The following MEP1A variants were observed in gnomAD, a reference collection of about 807,000 sequenced individuals.
The protein encoded by MEP1A is N-benzoyl-L-tyrosyl-P-amino-benzoic acid hydrolase subunit alpha.
Under a neutral mutation model 84.5 loss-of-function variants are expected in MEP1A, and 68 were observed. That is an observed-to-expected ratio of 0.80 (90% CI 0.66 to 0.98). The LOEUF (loss-of-function observed/expected upper bound fraction) is 0.98, where lower values mean the gene tolerates loss of function less well. MEP1A is among the 50% of genes least tolerant of loss of function. The probability of loss-of-function intolerance (pLI) is 0.00; values close to 1 mark genes in which losing one functional copy is unlikely to be tolerated. For synonymous variants in MEP1A, 337 were observed against 336.8 expected, an observed-to-expected ratio of 1.00 and a Z score of -0.01; for missense variants, 887 against 919.9, an observed-to-expected ratio of 0.96 and a Z score of 0.46.
chr6:46,814,239 A>C (rs568443341), intron 6 of MEP1A, among the ~76,000 whole-genome samples: 264 of 152,190 alleles, frequency 1.7e-3, no homozygotes, highest in African/African-American at 5.9e-3. Context: ...AGCTTTGTTC[A>C]TTTAAAAAAT....
At chr6:46,836,591 T>C (rs182633222) in intron 13 of MEP1A, among the ~76,000 whole-genome samples, 1 of 152,342 alleles carries the variant, frequency 6.6e-6, no homozygotes, top group East Asian at 1.9e-4. Context: ...GGTACAATGC[T>C]AGTAAATAAA....
downstream of MEP1A, among the ~76,000 whole-genome samples, chr6:46,840,771 GA>G (rs1192754419): frequency 6.6e-6 from 1 of 152,148 alleles, no homozygotes; most frequent in East Asian, 1.9e-4. Flanking sequence ...TAATATGTAT[GA>G]AAATATTACT....
chr6:46,813,617 T>C (rs1026971422), intron 6 of MEP1A, among the ~76,000 whole-genome samples: 7 of 152,154 alleles, frequency 4.6e-5, no homozygotes, highest in African/African-American at 1.7e-4. Context: ...ATCTTGGTTT[T>C]TTTTCACTGT....
chr6:46,797,976 C>A (rs1379056993), intron 3 of MEP1A, among the ~76,000 whole-genome samples: 1 of 138,032 alleles, frequency 7.2e-6, no homozygotes, highest in African/African-American at 2.7e-5. Context: ...CTTCCTCTTT[C>A]TTTTTTTGTG....
chr6:46,833,730 TC>T (rs1222012152), intron 11 of MEP1A, among the ~76,000 whole-genome samples, 192 bp downstream of exon 11: 3 of 152,124 alleles, frequency 2.0e-5, no homozygotes, highest in Non-Finnish European at 2.9e-5. Flanking sequence ...CTAAATTCAC[TC>T]ATCAAACATC....
intron 8 of MEP1A, 55 bp downstream of exon 8, chr6:46,825,548 C>A: frequency 8.2e-7 from 1 of 1,214,674 alleles, no homozygotes; most frequent in African/African-American, 1.5e-5. Context: ...GAGATTCCAT[C>A]AGCCTTAGAG....
At chr6:46,835,674 G>T (rs1007836646) in intron 13 of MEP1A, 125 bp downstream of exon 13, 1 of 1,047,890 alleles carries the variant, frequency 9.5e-7, no homozygotes, top group Admixed American at 2.4e-5. Context: ...ACTGAATGCG[G>T]TTTTCTTTGA....
chr6:46,820,533 T>C (rs1157859682), intron 7 of MEP1A, among the ~76,000 whole-genome samples: 1 of 152,056 alleles, frequency 6.6e-6, no homozygotes, highest in African/African-American at 2.4e-5. Context: ...ATTATAGGTG[T>C]GTGTCACCAT....
At chr6:46,797,452 A>G (rs1009799732) in intron 3 of MEP1A, among the ~76,000 whole-genome samples, 2 of 152,206 alleles carry the variant, frequency 1.3e-5, no homozygotes, top group African/African-American at 4.8e-5. Context: ...GCAGTAGGAG[A>G]GTATATTCTG....
Position 46,829,407 on chromosome 6 carries a change from C to G in MEP1A, c.980C>G (p.Ala327Gly), listed in dbSNP as rs1268302620. The G allele has an allele frequency of 6.2e-7, 1 of 1,614,118 alleles. No individual in the cohort carries two copies. Among genetic ancestry groups the G allele is most frequent in the East Asian group, 2.2e-5 (1 of 44,884 alleles). ...ACCAGCTCGGGGTCCGCGGAAGAGG[C>G]AGCCCTACTGGAGTCTCGGATTCTT... ...FSTSSGSAEEAALLESRILYP... is the reference protein window; with the variant it reads ...FSTSSGSAEEGALLESRILYP... The change falls in exon 10 of 14, where the codon GCA becomes GGA. Residue 327 changes from alanine to glycine, a missense_variant. Ala to Gly is a moderately conservative substitution (Grantham distance 60). Transcript: ENST00000230588.
intron 6 of MEP1A, among the ~76,000 whole-genome samples, chr6:46,817,876 GA>G (rs1170059962): frequency 6.6e-6 from 1 of 152,194 alleles, no homozygotes; most frequent in Non-Finnish European, 1.5e-5. Context: ...AAAAAGAGAG[GA>G]AGATATTTTG....
rs1179880383 is a variant in MEP1A at position 46,826,413 on chromosome 6, A to G, written c.838A>G (p.Ile280Val). Reference protein sequence around the residue: ...TFEKANICGMIQGTRDDTDWA... With the variant: ...TFEKANICGMVQGTRDDTDWA... ...TGAGAAGGCAAACATCTGTGGAATG[A>G]TTCAGGGCACCAGAGATGACACTGA... The change falls in exon 9 of 14, where the codon ATT becomes GTT. Residue 280 changes from isoleucine to valine, a missense_variant. Transcript: ENST00000230588. 13 of 1,610,306 alleles carry G rather than the reference A, an allele frequency of 8.1e-6. No homozygotes were observed. The highest frequency in any genetic ancestry group is 2.7e-5 in the African/African-American group (2 of 74,902).
chr6:46,797,348 C>T (rs1467995885), intron 3 of MEP1A, among the ~76,000 whole-genome samples: 1 of 152,184 alleles, frequency 6.6e-6, no homozygotes, highest in African/African-American at 2.4e-5. Context: ...ATAAGTGATG[C>T]TCTTTTAATG....
In MEP1A at chr6:46,836,424, T is replaced by C. The variant is rs533996023; in HGVS notation, c.2084+875T>C. Among the ~76,000 whole-genome samples the C allele has an allele frequency of 1.9e-3, 287 of 152,336 alleles. 2 individuals are homozygous for C. The highest frequency in any genetic ancestry group is 3.4e-3 in the Non-Finnish European group (232 of 68,030). On this transcript the variant is annotated intron_variant, in intron 13 of 13. Coordinates refer to ENST00000230588, the MANE Select transcript of MEP1A (RefSeq NM_005588.3). ...GAGTTCTTTTTAGTCTCCTTTTTTT[T>C]CTCTTTTTGTAGCTTTTATTTTGAA... is the stretch of plus-strand genomic sequence containing the variant.
chr6:46,799,692 A>T (rs1767150070), intron 5 of MEP1A, among the ~76,000 whole-genome samples: 1 of 152,196 alleles, frequency 6.6e-6, no homozygotes, highest in South Asian at 2.1e-4. Context: ...TGAATATGTT[A>T]CATTTTACTC....
rs1768290075 is a variant in MEP1A at position 46,839,417 on chromosome 6, C to T, written c.*281C>T. The T allele has an allele frequency of 8.5e-6, 2 of 235,102 alleles. No homozygotes were observed. Among genetic ancestry groups the T allele is most frequent in the Admixed American group, 1.1e-4 (2 of 17,758 alleles). The allele number at this position is 235,102 out of a possible 1,614,324, so 14.6% of individuals were successfully genotyped here. The stretch of plus-strand genomic sequence containing the variant: ...TGTCTTTCCTATAGACTGTAAGCTC[C>T]ATGAGGGCAGGCACATGTTGTTCTC... On this transcript the variant is annotated 3_prime_UTR_variant, in exon 14 of 14. Transcript: ENST00000230588.
At chr6:46,798,814 A>T (rs771246686) in intron 4 of MEP1A, among the ~76,000 whole-genome samples, 168 bp downstream of exon 4, 6 of 152,202 alleles carry the variant, frequency 3.9e-5, no homozygotes, top group Non-Finnish European at 8.8e-5. Flanking sequence ...TAAGGACAAA[A>T]ACAGAGGGAA....
intron 6 of MEP1A, among the ~76,000 whole-genome samples, chr6:46,815,945 T>C (rs1347998636): frequency 6.6e-6 from 1 of 152,150 alleles, no homozygotes; most frequent in Non-Finnish European, 1.5e-5. Context: ...TATTTATTTA[T>C]TATTTTTTTG....
At chr6:46,834,860 T>A in intron 12 of MEP1A, 109 bp downstream of exon 12, 1 of 791,212 alleles carries the variant, frequency 1.3e-6, no homozygotes, top group Non-Finnish European at 2.0e-6. Context: ...GTTAAAACAA[T>A]GTGTTGTAGG....
Sources: allele counts gnomAD v4.1 joint callset (sites outside exome capture counted in the v4.1 genomes callset), GRCh38; gene constraint gnomAD v4.1.1; transcripts MANE v1.5; gene names NCBI Gene and HGNC (gene_info 2026-07-23, HGNC 2026-07-21).